The following ENOX1 variants were observed in gnomAD, a reference collection of about 807,000 sequenced individuals.
The protein encoded by ENOX1 is candidate growth-related and time keeping constitutive hydroquinone (NADH) oxidase.
ENOX1 carries 42 observed loss-of-function variants against 82.5 expected under a neutral mutation model. That is an observed-to-expected ratio of 0.51 (90% CI 0.40 to 0.66). The LOEUF (loss-of-function observed/expected upper bound fraction) is 0.66, where lower values mean the gene tolerates loss of function less well. Ranked by LOEUF, ENOX1 falls within the 30% of genes least tolerant of loss-of-function variation. The pLI is 0.00. For missense variants in ENOX1, 608 were observed against 811.6 expected (o/e 0.75, Z 3.05); for synonymous variants, 271 against 282.2 (o/e 0.96, Z 0.40).
In ENOX1 at chr13:43,726,945, T is replaced by G. The variant is rs969762925; in HGVS notation, c.-284-59401A>C. On this transcript the variant is annotated intron_variant, in intron 1 of 16. Transcript: ENST00000690772. The stretch of plus-strand genomic sequence containing the variant: ...TTAACGGAGATGGGGTTTCACCATG[T>G]TGGTTAGGCTGGTCTCGAATTCCTG... Among the ~76,000 whole-genome samples, 8 of 152,244 alleles carry G rather than the reference T, an allele frequency of 5.3e-5. 1 individual carries two copies. The South Asian group carries it at 1.7e-3, about 32-fold the overall frequency.
chr13:43,696,025 T>G (rs913938549), intron 1 of ENOX1, among the ~76,000 whole-genome samples: 1 of 152,224 alleles, frequency 6.6e-6, no homozygotes, highest in Non-Finnish European at 1.5e-5. Flanking sequence ...ACATTTCATA[T>G]GAATGAAATT....
rs138229796 is a variant in ENOX1, at chr13:43,301,488, C to T, written c.1262-2958G>A. 3.9e-3 allele frequency among the ~76,000 whole-genome samples: 596 copies of T among 151,530 alleles called. 4 individuals carry two copies. The highest frequency in any genetic ancestry group is 0.014 in the African/African-American group (561 of 41,254). Reference sequence around the variant, plus strand: ...TTGGCTAAGCCAAGTGACTACAGTGCCTGCCAAGCAGTATATAATATTGTT... The same window carrying T: ...TTGGCTAAGCCAAGTGACTACAGTGTCTGCCAAGCAGTATATAATATTGTT... On this transcript the variant is annotated intron_variant, in intron 11 of 16. Transcript: ENST00000690772.
intron 1 of ENOX1, among the ~76,000 whole-genome samples, chr13:43,773,427 T>TC (rs1197012687): frequency 6.6e-6 from 1 of 152,120 alleles, no homozygotes; most frequent in Non-Finnish European, 1.5e-5. Context: ...AAATCCAAAG[T>TC]CCCCAGCATG....
intron 6 of ENOX1, 112 bp from the exon 7 acceptor site, chr13:43,360,169 A>C (rs2050407796): frequency 1.1e-6 from 1 of 875,086 alleles, no homozygotes; most frequent in Admixed American, 2.9e-5. Context: ...AGTGACGGTA[A>C]ATTTCTATGC....
chr13:43,361,617 GA>G (rs2050516466), intron 5 of ENOX1, among the ~76,000 whole-genome samples, 165 bp from the exon 6 acceptor site: 1 of 151,952 alleles, frequency 6.6e-6, no homozygotes, highest in Non-Finnish European at 1.5e-5. Context: ...AGGGTAAAGA[GA>G]AAAAAAGTAA....
chr13:43,607,007 C>CA (rs1432985588), intron 2 of ENOX1, among the ~76,000 whole-genome samples: 1 of 151,772 alleles, frequency 6.6e-6, no homozygotes, highest in Non-Finnish European at 1.5e-5. Flanking sequence ...GACCCTGTCT[C>CA]AAAAAATACA....
chr13:43,663,094 G>C (rs141658749), intron 2 of ENOX1, among the ~76,000 whole-genome samples: 199 of 152,286 alleles, frequency 1.3e-3, no homozygotes, highest in African/African-American at 4.1e-3. Context: ...GTAAATTAAA[G>C]AGAGCTTGAC....
intron 3 of ENOX1, among the ~76,000 whole-genome samples, chr13:43,421,927 G>C (rs1392604487): frequency 6.7e-6 from 1 of 149,120 alleles, no homozygotes; most frequent in African/African-American, 2.5e-5. Flanking sequence ...ATGCAAGGAG[G>C]AAAGAAGAGA....
chr13:43,288,958 C>G (rs2045853666), intron 12 of ENOX1, among the ~76,000 whole-genome samples: 2 of 152,048 alleles, frequency 1.3e-5, no homozygotes, highest in Non-Finnish European at 2.9e-5. Flanking sequence ...AAGAATACAA[C>G]CCTACTTACA....
chr13:43,568,343 C>T (rs1468587906), intron 2 of ENOX1, among the ~76,000 whole-genome samples: 4 of 152,156 alleles, frequency 2.6e-5, no homozygotes, highest in African/African-American at 9.7e-5. Context: ...TGAGAACACA[C>T]AGTATCTGAC....
At chr13:43,366,903 C>T (rs1253135350) in intron 5 of ENOX1, among the ~76,000 whole-genome samples, 1 of 152,100 alleles carries the variant, frequency 6.6e-6, no homozygotes, top group East Asian at 1.9e-4. Context: ...ATGGTAAATA[C>T]TCAATAAATG....
At chr13:43,686,854 G>T (rs2086101849) in intron 1 of ENOX1, among the ~76,000 whole-genome samples, 1 of 126,090 alleles carries the variant, frequency 7.9e-6, no homozygotes, top group African/African-American at 3.1e-5. Flanking sequence ...TATCCTATCT[G>T]CCAAGCAAAC....
intron 2 of ENOX1, among the ~76,000 whole-genome samples, chr13:43,575,446 G>A (rs1162853155): frequency 6.6e-6 from 1 of 152,176 alleles, no homozygotes; most frequent in Non-Finnish European, 1.5e-5. Context: ...GCTCCTGACA[G>A]ATGGGAAATA....
intron 2 of ENOX1, among the ~76,000 whole-genome samples, chr13:43,561,659 T>C (rs1011550721): frequency 6.6e-6 from 1 of 152,076 alleles, no homozygotes; most frequent in Non-Finnish European, 1.5e-5. Flanking sequence ...TAGTACTACA[T>C]AACCACAGAA....
At chr13:43,596,783 T>C (rs968921435) in intron 2 of ENOX1, among the ~76,000 whole-genome samples, 1 of 152,224 alleles carries the variant, frequency 6.6e-6, no homozygotes, top group Non-Finnish European at 1.5e-5. Context: ...ATTATTACTT[T>C]GGAAAATTAA....
chr13:43,328,331 C>T (rs1352735881), intron 9 of ENOX1, among the ~76,000 whole-genome samples: 1 of 152,084 alleles, frequency 6.6e-6, no homozygotes, highest in Non-Finnish European at 1.5e-5. Context: ...AACAGTCAGC[C>T]CCAAATCTAG....
At chr13:43,269,319 G>T (rs536305867) in intron 13 of ENOX1, 151 bp downstream of exon 13, 6 of 619,554 alleles carry the variant, frequency 9.7e-6, no homozygotes, top group African/African-American at 3.6e-5. Context: ...TATAAATTCC[G>T]CATAGCAAAG....
chr13:43,627,201 T>C (rs1001897421), intron 2 of ENOX1, among the ~76,000 whole-genome samples: 22 of 152,034 alleles, frequency 1.4e-4, no homozygotes, highest in Non-Finnish European at 2.8e-4. Context: ...GTAGATAGCA[T>C]ACAGTTGGTT....
Position 43,696,606 on chromosome 13 carries a change from G to T in ENOX1, c.-284-29062C>A, listed in dbSNP as rs1029347724. 2.6e-5 allele frequency among the ~76,000 whole-genome samples: 4 copies of T among 152,140 alleles called. No individual in the cohort carries two copies. In the South Asian group the frequency reaches 8.3e-4, roughly 32 times the overall value. ...TAGGGCACACCGAAAGGATATCCAT[G>T]CTAGTTAGCAATGATACCTGGAGTT... On this transcript the variant is annotated intron_variant, in intron 1 of 16. Coordinates refer to ENST00000690772, the MANE Select transcript of ENOX1 (RefSeq NM_001347969.2).
Sources: allele counts gnomAD v4.1 joint callset (sites outside exome capture counted in the v4.1 genomes callset), GRCh38; gene constraint gnomAD v4.1.1; transcripts MANE v1.5; gene names NCBI Gene and HGNC (gene_info 2026-07-23, HGNC 2026-07-21).